The following NSUN6 variants were observed in gnomAD, a reference collection of about 807,000 sequenced individuals.
NSUN6 encodes the protein tRNA (cytosine(72)-C(5))-methyltransferase NSUN6.
In NSUN6, 64 loss-of-function variants were observed where a neutral mutation model predicts 58.0. The observed-to-expected ratio is 1.10, with a 90% CI of 0.90 to 1.36. NSUN6 has a LOEUF of 1.36. NSUN6 is among the 40% of genes most tolerant of loss of function. The pLI, the probability that NSUN6 is intolerant of heterozygous loss-of-function variation, is 0.00. For synonymous variants in NSUN6, 231 were observed against 193.9 expected (o/e 1.19, Z -1.59); for missense variants, 701 against 550.1 (o/e 1.27, Z -2.74).
chr10:18,600,787 G>A (rs1000853317), intron 6 of NSUN6, among the ~76,000 whole-genome samples: 1 of 151,044 alleles, frequency 6.6e-6, no homozygotes, highest in Non-Finnish European at 1.5e-5. Context: ...AATTAATTGG[G>A]TTTGGTGGCA....
At chr10:18,547,168 T>C (rs770711512) in intron 10 of NSUN6, among the ~76,000 whole-genome samples, 1 of 152,198 alleles carries the variant, frequency 6.6e-6, no homozygotes, top group Non-Finnish European at 1.5e-5. Flanking sequence ...TGAATGATAC[T>C]TGCAAACTAC....
intron 3 of NSUN6, among the ~76,000 whole-genome samples, chr10:18,622,974 T>C (rs1225371236): frequency 6.6e-6 from 1 of 152,230 alleles, no homozygotes; most frequent in Non-Finnish European, 1.5e-5. Flanking sequence ...TAGAAAACGC[T>C]GGTTGAGAGA....
At chr10:18,604,712 C>A (rs2057980395) in intron 6 of NSUN6, among the ~76,000 whole-genome samples, 1 of 151,682 alleles carries the variant, frequency 6.6e-6, no homozygotes, top group Non-Finnish European at 1.5e-5. Flanking sequence ...ATAGTGAAAT[C>A]CCATCTCTAC....
chr10:18,551,708 T>A, intron 9 of NSUN6, 115 bp downstream of exon 9: 1 of 788,288 alleles, frequency 1.3e-6, no homozygotes, highest in Non-Finnish European at 2.1e-6. Flanking sequence ...GACTCTTGGG[T>A]TGTTCCCACC....
intron 8 of NSUN6, 97 bp from the exon 9 acceptor site, chr10:18,552,068 T>TA (rs1564702085): frequency 1.6e-5 from 12 of 734,390 alleles, no homozygotes; most frequent in Non-Finnish European, 2.2e-5. Flanking sequence ...TAATCTAGAA[T>TA]AAAAAAATGA....
intron 3 of NSUN6, among the ~76,000 whole-genome samples, chr10:18,635,529 G>A (rs1230024083): frequency 6.6e-6 from 1 of 152,122 alleles, no homozygotes; most frequent in African/African-American, 2.4e-5. Flanking sequence ...GCTACACTGT[G>A]TCTCATCAAA....
intron 4 of NSUN6, among the ~76,000 whole-genome samples, chr10:18,615,191 T>A (rs774824081): frequency 1.6e-4 from 24 of 151,932 alleles, no homozygotes; most frequent in Non-Finnish European, 3.1e-4. Context: ...TTTTACAGTA[T>A]ACAGTGTACA....
chr10:18,631,594 T>G, intron 3 of NSUN6, among the ~76,000 whole-genome samples: 2 of 136,866 alleles, frequency 1.5e-5, no homozygotes, highest in African/African-American at 5.6e-5. Context: ...ATCACAAGCA[T>G]TCTTATACAC....
intron 8 of NSUN6, among the ~76,000 whole-genome samples, chr10:18,556,821 G>A (rs1353349212): frequency 6.7e-6 from 1 of 149,904 alleles, no homozygotes; most frequent in African/African-American, 2.4e-5. Flanking sequence ...AATGGAGAGT[G>A]GAATGCAATG....
chr10:18,644,602 C>T (rs1324019431), intron 2 of NSUN6, among the ~76,000 whole-genome samples: 6 of 150,978 alleles, frequency 4.0e-5, no homozygotes, highest in African/African-American at 1.5e-4. Context: ...TTTGGGAGGC[C>T]GAGGCGGGTG....
intron 8 of NSUN6, among the ~76,000 whole-genome samples, chr10:18,575,599 C>A (rs528189105): frequency 6.6e-6 from 1 of 152,302 alleles, no homozygotes; most frequent in East Asian, 1.9e-4. Flanking sequence ...CTGGCACCAA[C>A]CCTCATCAGG....
chr10:18,600,959 T>TATATATATATATATATATACAC lies in NSUN6; in HGVS notation c.658-4633_658-4632insGTGTATATATATATATATATAT. Among the ~76,000 whole-genome samples, 84 of 64,924 alleles carry TATATATATATATATATATACAC rather than the reference T, an allele frequency of 1.3e-3. 2 individuals carry two copies. The highest frequency in any genetic ancestry group is 1.9e-3 in the Non-Finnish European group (63 of 32,690). 42.6% of individuals were successfully genotyped at this position (64,924 alleles called of 152,430 possible). A position where few individuals can be genotyped will look rare whatever the true frequency, so the allele number is the denominator to read the frequency against. On this transcript the variant is annotated intron_variant, in intron 6 of 10. Transcript: ENST00000377304. ...AAAAAAAAATATATATATATATATA[T>TATATATATATATATATATACAC]ACATATATATATATATATGTATATA...
At chr10:18,612,037 C>T (rs928059770) in intron 5 of NSUN6, among the ~76,000 whole-genome samples, 3 of 152,076 alleles carry the variant, frequency 2.0e-5, no homozygotes, top group African/African-American at 7.2e-5. Context: ...CAAATCAAAC[C>T]ACTGTATCCA....
intron 8 of NSUN6, among the ~76,000 whole-genome samples, chr10:18,582,730 G>C (rs540671633): frequency 1.3e-5 from 2 of 152,238 alleles, no homozygotes; most frequent in South Asian, 2.1e-4. Context: ...CAAAGAGCAG[G>C]GAAAGAGACA....
At chr10:18,562,452 G>GGAATGGAATGGATTGCA (rs1225350962) in intron 8 of NSUN6, among the ~76,000 whole-genome samples, 2 of 143,998 alleles carry the variant, frequency 1.4e-5, no homozygotes, top group African/African-American at 5.2e-5. Flanking sequence ...AATGGAATGC[G>GGAATGGAATGGATTGCA]GAATGGAATG....
At chr10:18,598,131 T>C (rs2057666992) in intron 6 of NSUN6, among the ~76,000 whole-genome samples, 2 of 152,216 alleles carry the variant, frequency 1.3e-5, no homozygotes, top group South Asian at 4.1e-4. Context: ...TCAATGTACC[T>C]TGTAATCTCC....
At chr10:18,640,857 G>GT (rs2059370230) in intron 3 of NSUN6, among the ~76,000 whole-genome samples, 1 of 145,234 alleles carries the variant, frequency 6.9e-6, no homozygotes. Context: ...CATTCTTATA[G>GT]TAAAAAAAAA....
At position 18,546,072 on chromosome 10, in the gene NSUN6, A is replaced by T. The variant is rs1371526968; in HGVS notation, c.1271T>A (p.Phe424Tyr). The T allele has an allele frequency of 4.3e-6, 7 of 1,609,306 alleles. No individual in the cohort carries two copies. Among genetic ancestry groups the T allele is most frequent in the Non-Finnish European group, 5.9e-6 (7 of 1,178,164 alleles). Residue 424 changes from phenylalanine (F) to tyrosine (Y), a missense_variant, in exon 11 of 11, where the codon TTT (phenylalanine) becomes TAT (tyrosine). By Grantham distance (22) the Phe-to-Tyr change is conservative (BLOSUM62 3). Coordinates refer to ENST00000377304, the MANE Select transcript of NSUN6 (RefSeq NM_182543.5). The stretch of plus-strand genomic sequence containing the variant: ...CGGTAATGGCACAGCCGATGGATCA[A>T]ATCGCTGCAGCTGTTTCAACTGTTC... ...SCEQLKQLQR[F>Y]DPSAVPLPDT...
At chr10:18,601,577 C>T (rs546256582) in intron 6 of NSUN6, among the ~76,000 whole-genome samples, 2 of 152,062 alleles carry the variant, frequency 1.3e-5, no homozygotes, top group African/African-American at 4.8e-5. Flanking sequence ...GGAAACAGGG[C>T]ACTAGAGCTG....
Sources: allele counts gnomAD v4.1 joint callset (sites outside exome capture counted in the v4.1 genomes callset), GRCh38; gene constraint gnomAD v4.1.1; transcripts MANE v1.5; gene names NCBI Gene and HGNC (gene_info 2026-07-23, HGNC 2026-07-21).